UHRF1: variants seen among roughly 807,000 people sequenced by gnomAD.
UHRF1 encodes ubiquitin like with PHD and ring finger domains 1, also known as E3 ubiquitin-protein ligase UHRF1.
A neutral mutation model predicts 96.5 loss-of-function variants in UHRF1; 9 were observed. The ratio of observed to expected loss-of-function variants is 0.09; its 90% confidence interval spans 0.06 to 0.16. The LOEUF (loss-of-function observed/expected upper bound fraction) is 0.16, where lower values mean the gene tolerates loss of function less well. UHRF1 is among the 10% of genes least tolerant of loss of function. The pLI is 1.00. For synonymous variants in UHRF1, 455 were observed against 469.9 expected, an observed-to-expected ratio of 0.97 and a Z score of 0.41; for missense variants, 626 against 1,131.1, an observed-to-expected ratio of 0.55 and a Z score of 6.40.
At chr19:4,929,119 C>CG in intron 2 of UHRF1, 103 bp from the exon 3 acceptor site, 1 of 1,464,414 alleles carries the variant, frequency 6.8e-7, no homozygotes, top group Non-Finnish European at 9.2e-7. Flanking sequence ...ATTGCCCCCC[C>CG]CCCACAAGGG....
upstream of UHRF1, among the ~76,000 whole-genome samples, chr19:4,905,553 T>C (rs946154003): frequency 6.6e-6 from 1 of 150,502 alleles, no homozygotes; most frequent in African/African-American, 2.4e-5. Flanking sequence ...GTTTTGCTCT[T>C]GTTGCCCAGG....
chr19:4,918,333 G>C lies in UHRF1; in HGVS notation c.153+7295G>C, dbSNP rs549526305. ...GACGGGGTTTCACCACGTTGGCCAGGTTGGTCTCAAACTCCTGACCTCAGG... is the reference window on the plus strand; with the variant it reads ...GACGGGGTTTCACCACGTTGGCCAGCTTGGTCTCAAACTCCTGACCTCAGG... On this transcript the variant is annotated intron_variant, in intron 2 of 16. Coordinates refer to ENST00000650932, the MANE Select transcript of UHRF1 (RefSeq NM_001048201.3). Among the ~76,000 whole-genome samples, 5 of 151,832 alleles carry C rather than the reference G, an allele frequency of 3.3e-5. 1 individual carries two copies. Among genetic ancestry groups the C allele is most frequent in the African/African-American group, 1.2e-4 (5 of 41,444 alleles).
chr19:4,932,207 G>A (rs1002941960), intron 4 of UHRF1, among the ~76,000 whole-genome samples: 3 of 152,236 alleles, frequency 2.0e-5, no homozygotes, highest in African/African-American at 7.2e-5. Flanking sequence ...ACAGGCATGA[G>A]CCACCGTGCC....
chr19:4,921,887 G>A (rs78373215), intron 2 of UHRF1, among the ~76,000 whole-genome samples: 1,684 of 152,340 alleles, frequency 0.011, 17 homozygotes, highest in Non-Finnish European at 0.018. Flanking sequence ...GCCACGAGGA[G>A]TGCTTAGGGA....
Position 4,941,097 on chromosome 19 carries a change from T to C in UHRF1, c.786-431T>C, listed in dbSNP as rs540439145. 4.9e-5 allele frequency among the ~76,000 whole-genome samples: 7 copies of C among 141,512 alleles called. No individual in the cohort carries two copies. The East Asian group carries it at 6.3e-4, about 13-fold the overall frequency. 92.8% of individuals were successfully genotyped at this position (141,512 alleles called of 152,430 possible). On this transcript the variant is annotated intron_variant, in intron 5 of 16. Coordinates refer to ENST00000650932, the MANE Select transcript of UHRF1 (RefSeq NM_001048201.3). Reference sequence around the variant, plus strand: ...GTTTCTGTGTTTTGTTTTTTTTTTTTTTTTTTTTTTTGAGACTGAGTCTTG... The same window carrying C: ...GTTTCTGTGTTTTGTTTTTTTTTTTCTTTTTTTTTTTGAGACTGAGTCTTG...
chr19:4,957,331 C>T (rs1293214495), intron 16 of UHRF1, among the ~76,000 whole-genome samples: 1 of 106,650 alleles, frequency 9.4e-6, no homozygotes, highest in African/African-American at 3.9e-5. Context: ...TTTTCTGAGA[C>T]AGAGTCTCGC....
intron 8 of UHRF1, 33 bp from the exon 9 acceptor site, chr19:4,944,310 C>CGCTGTTGTTCTT (rs1568426013): frequency 6.2e-7 from 1 of 1,614,012 alleles, no homozygotes. Flanking sequence ...CCAGGGCTCA[C>CGCTGTTGTTCTT]GCTGTTGTTC....
rs936779255 is a variant in UHRF1 at position 4,930,565 on chromosome 19, C to T, written c.409-151C>T. On this transcript the variant is annotated intron_variant, in intron 3 of 16. Coordinates refer to ENST00000650932, the MANE Select transcript of UHRF1 (RefSeq NM_001048201.3). The surrounding 1 kb of genome is among the most constrained non-coding windows in gnomAD (Gnocchi z 4.4). ...CCTGCCGGGGCTGGTTTCTCATGGT[C>T]AGCGGTTCCCAGCCAGGGAGGAGAA... is the stretch of plus-strand genomic sequence containing the variant. The T allele has an allele frequency of 1.0e-6, 1 of 986,136 alleles. No homozygotes were observed. The highest frequency in any genetic ancestry group is 1.5e-6 in the Non-Finnish European group (1 of 669,748). 61.1% of individuals were successfully genotyped at this position (986,136 alleles called of 1,614,324 possible).
upstream of UHRF1, among the ~76,000 whole-genome samples, chr19:4,904,808 C>T (rs1445754766): frequency 6.6e-6 from 1 of 152,164 alleles, no homozygotes; most frequent in East Asian, 1.9e-4. Context: ...GAGAATGTAT[C>T]ATTTTGCAAA....
intron 5 of UHRF1, among the ~76,000 whole-genome samples, chr19:4,936,968 C>T (rs748240936): frequency 2.0e-5 from 3 of 152,134 alleles, no homozygotes; most frequent in Non-Finnish European, 2.9e-5. Context: ...AAATCCTTCT[C>T]GTTACCCCTT....
intron 2 of UHRF1, among the ~76,000 whole-genome samples, chr19:4,924,495 G>C (rs1380720955): frequency 6.6e-6 from 1 of 152,142 alleles, no homozygotes; most frequent in East Asian, 1.9e-4. Context: ...TGTTGCCCAG[G>C]CTGGTCTCGA....
chr19:4,937,036 A>ATT (rs554411973), intron 5 of UHRF1, among the ~76,000 whole-genome samples: 9 of 148,092 alleles, frequency 6.1e-5, no homozygotes, highest in Non-Finnish European at 9.0e-5. Context: ...GCAAGCAATA[A>ATT]TTTTTTTTTT....
chr19:4,929,432 G>A lies in UHRF1; in HGVS notation c.364G>A (p.Ala122Thr). 6.2e-7 allele frequency: 1 copy of A among 1,613,938 alleles called. No homozygotes were observed. Among genetic ancestry groups the A allele is most frequent in the Non-Finnish European group, 8.5e-7 (1 of 1,179,884 alleles). The change falls in exon 3 of 17, where the codon GCC becomes ACC. Residue 122 changes from alanine (A) to threonine (T), a missense_variant. Transcript: ENST00000650932. ...GGCCGCCGAGACTGACAGCAGGCCA[G>A]CCGATGAGGACATGTGGGATGAGAC... ...EAAAETDSRP[A>T]DEDMWDETEL...
At position 4,950,840 on chromosome 19, in the gene UHRF1, T is replaced by C. The variant is rs573575881; in HGVS notation, c.1681-19T>C. On this transcript the variant is annotated intron_variant, in intron 12 of 16. Coordinates refer to ENST00000650932, the MANE Select transcript of UHRF1 (RefSeq NM_001048201.3). ...GGGCTGCCTCTGATGGAGCTGACGC[T>C]GATGCCCGCTCTCTGCAGGTTGTGA... 1 of 1,613,918 alleles carries C rather than the reference T, an allele frequency of 6.2e-7. No individual in the cohort carries two copies. Among genetic ancestry groups the C allele is most frequent in the East Asian group, 2.2e-5 (1 of 44,864 alleles).
At chr19:4,908,209 C>T (rs1174153186), upstream of UHRF1, among the ~76,000 whole-genome samples, 1 of 152,180 alleles carries the variant, frequency 6.6e-6, no homozygotes, top group East Asian at 1.9e-4. Context: ...GTGTAAGGCA[C>T]TGTATTCACA....
chr19:4,945,656 GTT>G (rs34603607), intron 9 of UHRF1, among the ~76,000 whole-genome samples: 19,281 of 140,226 alleles, frequency 0.14, 1,925 homozygotes, highest in African/African-American at 0.28. Flanking sequence ...ACGCCAGCTG[GTT>G]TTTTTTTTTT....
At chr19:4,950,837 C>G (rs17880409) in intron 12 of UHRF1, 22 bp from the exon 13 acceptor site, 1 of 1,613,976 alleles carries the variant, frequency 6.2e-7, no homozygotes, top group Non-Finnish European at 8.5e-7. Flanking sequence ...ATGGAGCTGA[C>G]GCTGATGCCC....
chr19:4,910,854 T>C, intron 1 of UHRF1, 22 bp from the exon 2 acceptor site: 1 of 1,567,584 alleles, frequency 6.4e-7, no homozygotes, highest in Non-Finnish European at 8.7e-7. Context: ...CTGATGGGGG[T>C]TTTTGCTGTC....
rs1163501479 is a variant in UHRF1 at position 4,954,149 on chromosome 19, T to C, written c.1819-201T>C. ...AACTTAGGAATTGTTTCTAGAATAT[T>C]TCATGTAACATTTTCAGTTGACTTT... On this transcript the variant is annotated intron_variant, in intron 13 of 16. Coordinates refer to ENST00000650932, the MANE Select transcript of UHRF1 (RefSeq NM_001048201.3). This position sits in a 1 kb window ranked among gnomAD's most constrained non-coding sequence, Gnocchi z 5.9. Among the ~76,000 whole-genome samples the C allele has an allele frequency of 6.6e-6, 1 of 152,004 alleles. No individual in the cohort carries two copies. The highest frequency in any genetic ancestry group is 1.5e-5 in the Non-Finnish European group (1 of 68,010).
Sources: gnomAD v4.1 joint callset for allele counts (sites outside exome capture counted in the v4.1 genomes callset) on GRCh38, gnomAD v4.1.1 for gene constraint, Gnocchi (gnomAD v3.1) non-coding constraint, MANE v1.5 for transcripts, NCBI Gene and HGNC (gene_info 2026-07-23, HGNC 2026-07-21) for gene names.